The following CSMD1 variants were observed in gnomAD, a reference collection of about 807,000 sequenced individuals.
The protein encoded by CSMD1 is CUB and Sushi multiple domains 1, also known as CUB and sushi domain-containing protein 1.
Under a neutral mutation model 417.5 loss-of-function variants are expected in CSMD1, and 213 were observed. That is an observed-to-expected ratio of 0.51 (90% CI 0.46 to 0.57). The LOEUF is 0.57. Among genes scored for constraint, CSMD1 ranks in the 20% least tolerant of loss-of-function variants. The pLI, the probability that CSMD1 is intolerant of heterozygous loss-of-function variation, is 0.00. For synonymous variants in CSMD1, 2,862 were observed against 1,736.8 expected (o/e 1.65, Z -16.11); for missense variants, 6,923 against 4,529.7 (o/e 1.53, Z -15.17).
rs966353714 is a variant in CSMD1, at chr8:4,681,302, T to G, written c.86-43744A>C. On this transcript the variant is annotated intron_variant, in intron 1 of 69. Coordinates refer to ENST00000635120, the MANE Select transcript of CSMD1 (RefSeq NM_033225.6). ...TAACTTCTACTTTGTATCGTTACAT[T>G]TGAAAAGAGGTAGTACAATATCTGA... 1.1e-4 allele frequency among the ~76,000 whole-genome samples: 16 copies of G among 152,178 alleles called. 1 individual carries two copies. The highest frequency in any genetic ancestry group is 2.4e-5 in the African/African-American group (1 of 41,454).
intron 3 of CSMD1, among the ~76,000 whole-genome samples, chr8:4,328,308 G>A (rs1328180129): frequency 1.4e-5 from 2 of 140,082 alleles, no homozygotes; most frequent in South Asian, 4.4e-4. Context: ...ACTTCCCCAC[G>A]ACTCAGTTAA....
At chr8:4,270,633 T>C (rs1804526764) in intron 3 of CSMD1, among the ~76,000 whole-genome samples, 1 of 152,228 alleles carries the variant, frequency 6.6e-6, no homozygotes, top group Admixed American at 6.5e-5. Context: ...GAATTAAACC[T>C]GCCCCTCAAA....
chr8:4,222,911 C>G (rs879793396), intron 3 of CSMD1, among the ~76,000 whole-genome samples: 1 of 151,786 alleles, frequency 6.6e-6, no homozygotes, highest in African/African-American at 2.4e-5. Context: ...GAAAGTTATG[C>G]AAAGCGTTTA....
At chr8:4,440,764 T>C (rs893600437) in intron 2 of CSMD1, among the ~76,000 whole-genome samples, 11 of 152,160 alleles carry the variant, frequency 7.2e-5, no homozygotes, top group Middle Eastern at 3.4e-3. Context: ...GGGAGGCCAG[T>C]GCGAGCAGAT....
At chr8:3,538,803 G>T (rs1015183851) in intron 10 of CSMD1, among the ~76,000 whole-genome samples, 1 of 152,252 alleles carries the variant, frequency 6.6e-6, no homozygotes, top group Admixed American at 6.5e-5. Context: ...CTTGCACCAA[G>T]AGCCTGGTGG....
chr8:4,898,781 A>G (rs1169608051), intron 1 of CSMD1, among the ~76,000 whole-genome samples: 2 of 152,194 alleles, frequency 1.3e-5, no homozygotes, highest in Non-Finnish European at 2.9e-5. Flanking sequence ...GGGGAAGTGA[A>G]ATGAAAACTG....
In CSMD1 at chr8:4,794,702, A is replaced by G. The variant is rs558886180; in HGVS notation, c.86-157144T>C. Among the ~76,000 whole-genome samples the G allele has an allele frequency of 9.2e-5, 14 of 152,318 alleles. 1 individual carries two copies. In the South Asian group the frequency reaches 1.0e-3, roughly 11 times the overall value. The stretch of plus-strand genomic sequence containing the variant: ...CTATTGGCCCATCTCTCTTAAGGCC[A>G]TGTGGCAGAGTATTTTCTCAGGAAA... On this transcript the variant is annotated intron_variant, in intron 1 of 69. Coordinates refer to ENST00000635120, the MANE Select transcript of CSMD1 (RefSeq NM_033225.6).
chr8:4,487,600 A>G (rs1316760905), intron 2 of CSMD1, among the ~76,000 whole-genome samples: 1 of 152,172 alleles, frequency 6.6e-6, no homozygotes, highest in African/African-American at 2.4e-5. Flanking sequence ...AGTCTTTGCT[A>G]TTGTGAAGTT....
chr8:4,322,689 G>C (rs1799337594), intron 3 of CSMD1, among the ~76,000 whole-genome samples: 2 of 152,168 alleles, frequency 1.3e-5, no homozygotes, highest in Admixed American at 6.5e-5. Context: ...CAAAGAGATG[G>C]TGACAAGGTT....
At chr8:4,269,809 G>C (rs906079482) in intron 3 of CSMD1, among the ~76,000 whole-genome samples, 2 of 152,140 alleles carry the variant, frequency 1.3e-5, no homozygotes, top group Non-Finnish European at 2.9e-5. Flanking sequence ...ACCCAATGAA[G>C]TCTCAGAATT....
intron 1 of CSMD1, among the ~76,000 whole-genome samples, chr8:4,845,721 G>A (rs1470649603): frequency 6.6e-6 from 1 of 152,190 alleles, no homozygotes; most frequent in Non-Finnish European, 1.5e-5. Context: ...TTTGCCGAAA[G>A]CACAGAGAGG....
At chr8:4,804,202 T>G (rs778603345) in intron 1 of CSMD1, among the ~76,000 whole-genome samples, 1 of 152,088 alleles carries the variant, frequency 6.6e-6, no homozygotes, top group Non-Finnish European at 1.5e-5. Flanking sequence ...TTCAGGAAAT[T>G]TAAACCATAT....
At chr8:4,891,170 C>A (rs1305909274) in intron 1 of CSMD1, among the ~76,000 whole-genome samples, 1 of 152,084 alleles carries the variant, frequency 6.6e-6, no homozygotes, top group Non-Finnish European at 1.5e-5. Context: ...AATGAGATTT[C>A]TGAAAATACA....
intron 23 of CSMD1, among the ~76,000 whole-genome samples, chr8:3,312,198 T>TATCA (rs1234407475): frequency 6.6e-6 from 1 of 152,222 alleles, no homozygotes; most frequent in Non-Finnish European, 1.5e-5. Flanking sequence ...TTGCTTTTTC[T>TATCA]ATCAATCATT....
chr8:3,588,279 A>G lies in CSMD1; in HGVS notation c.1098-2019T>C, dbSNP rs184749603. Among the ~76,000 whole-genome samples, 428 of 152,016 alleles carry G rather than the reference A, an allele frequency of 2.8e-3. 3 individuals carry two copies. The highest frequency in any genetic ancestry group is 0.01 in the Admixed American group (158 of 15,242). ...AAAGCCACAATCTCATATAGATAAC[A>G]TAATAGTTAAGAAAGAAAAAAATAA... On this transcript the variant is annotated intron_variant, in intron 8 of 69. Transcript: ENST00000635120.
chr8:4,941,684 G>C (rs1053962410), intron 1 of CSMD1, among the ~76,000 whole-genome samples: 1 of 151,540 alleles, frequency 6.6e-6, no homozygotes, highest in Non-Finnish European at 1.5e-5. Flanking sequence ...CTGCAGCCTC[G>C]ATCCCTCTAG....
At chr8:3,892,988 A>C (rs892372518) in intron 5 of CSMD1, among the ~76,000 whole-genome samples, 1 of 151,982 alleles carries the variant, frequency 6.6e-6, no homozygotes, top group Non-Finnish European at 1.5e-5. Context: ...ATATGACATA[A>C]CAATCATGGT....
chr8:3,343,500 A>C (rs760320643), intron 22 of CSMD1, 50 bp from the exon 23 acceptor site: 15 of 1,488,084 alleles, frequency 1.0e-5, no homozygotes, highest in Admixed American at 1.9e-5. Flanking sequence ...CTGGATTCTT[A>C]TGTTAGCAAT....
rs192588032 is a variant in CSMD1 at position 4,824,896 on chromosome 8, G to C, written c.85+169436C>G. 1.1e-4 allele frequency among the ~76,000 whole-genome samples: 17 copies of C among 152,118 alleles called. No homozygotes were observed. The East Asian group carries it at 3.1e-3, about 28-fold the overall frequency. On this transcript the variant is annotated intron_variant, in intron 1 of 69. Transcript: ENST00000635120. Reference sequence around the variant, plus strand: ...AATAGAACGTGGCCACAGGGTAATGGGCTGTTACTGCTACACAAATGCTAA... The same window carrying C: ...AATAGAACGTGGCCACAGGGTAATGCGCTGTTACTGCTACACAAATGCTAA...
Sources: gnomAD v4.1 joint callset for allele counts (sites outside exome capture counted in the v4.1 genomes callset) on GRCh38, gnomAD v4.1.1 for gene constraint, MANE v1.5 for transcripts, NCBI Gene and HGNC (gene_info 2026-07-23, HGNC 2026-07-21) for gene names.